Variants in TDRD9 observed in about 807,000 individuals in gnomAD.
TDRD9 encodes ATP-dependent RNA helicase TDRD9.
A neutral mutation model predicts 172.6 loss-of-function variants in TDRD9; 124 were observed. The observed-to-expected ratio is 0.72, with a 90% CI of 0.62 to 0.83. The LOEUF (loss-of-function observed/expected upper bound fraction) is 0.83. TDRD9 is among the 40% of genes least tolerant of loss of function. The probability of loss-of-function intolerance (pLI) is 0.00; values close to 1 mark genes in which losing one functional copy is unlikely to be tolerated. For missense variants in TDRD9, 1,479 were observed against 1,714.1 expected, an observed-to-expected ratio of 0.86 and a Z score of 2.42; for synonymous variants, 619 against 617.1, an observed-to-expected ratio of 1.00 and a Z score of -0.05.
At chr14:104,010,259 C>T (rs1566780833) in intron 20 of TDRD9, among the ~76,000 whole-genome samples, 1 of 151,722 alleles carries the variant, frequency 6.6e-6, no homozygotes, top group Non-Finnish European at 1.5e-5. Flanking sequence ...TTTTTTTATT[C>T]TTTTATTTTT....
intron 20 of TDRD9, among the ~76,000 whole-genome samples, chr14:104,011,836 C>G (rs1426913096): frequency 6.6e-6 from 1 of 151,870 alleles, no homozygotes; most frequent in East Asian, 1.9e-4. Flanking sequence ...TAGAAGGACT[C>G]ACAGAAGTAG....
Position 104,042,112 on chromosome 14 carries a change from G to A in TDRD9, c.3899G>A (p.Gly1300Glu). 6.2e-7 allele frequency: 1 copy of A among 1,613,724 alleles called. No homozygotes were observed. The highest frequency in any genetic ancestry group is 8.5e-7 in the Non-Finnish European group (1 of 1,179,680). Residue 1300 changes from glycine to glutamate, a missense_variant, in exon 34 of 36, where the codon GGA (glycine) becomes GAA (glutamate). By Grantham distance (98) the Gly-to-Glu change is moderately conservative. Transcript: ENST00000409874. ...GCTATTAACAAGCTAGTCTGTGATG[G>A]ACCAAATGGATGCAAGTGTCTTGGG... ...RAAINKLVCD[G>E]PNGCKCLGPE...
At chr14:103,947,242 T>G (rs2031609102) in intron 1 of TDRD9, among the ~76,000 whole-genome samples, 1 of 152,170 alleles carries the variant, frequency 6.6e-6, no homozygotes, top group Admixed American at 6.5e-5. Context: ...TGGTCAATAA[T>G]TTTCAGTAAG....
chr14:103,990,894 A>G (rs1174943985), intron 8 of TDRD9, among the ~76,000 whole-genome samples: 2 of 152,240 alleles, frequency 1.3e-5, no homozygotes, highest in Admixed American at 6.5e-5. Flanking sequence ...CAATAACTAA[A>G]TTTCAAGGAA....
At chr14:103,971,057 C>T (rs894535709) in intron 6 of TDRD9, among the ~76,000 whole-genome samples, 2 of 151,752 alleles carry the variant, frequency 1.3e-5, no homozygotes, top group Non-Finnish European at 2.9e-5. Context: ...GATCTCGGCT[C>T]ACTGCAAGCT....
chr14:103,992,092 G>A lies in TDRD9; in HGVS notation c.1180+868G>A, dbSNP rs118161615. On this transcript the variant is annotated intron_variant, in intron 9 of 35. Transcript: ENST00000409874. Reference sequence around the variant, plus strand: ...TAAAACACACTGTTATTATAACACCGTGAGAATCATCAGGGTAATCCTTGA... The same window carrying A: ...TAAAACACACTGTTATTATAACACCATGAGAATCATCAGGGTAATCCTTGA... Among the ~76,000 whole-genome samples, 32 of 152,252 alleles carry A rather than the reference G, an allele frequency of 2.1e-4. No homozygotes were observed. In the East Asian group the frequency reaches 5.2e-3, roughly 25 times the overall value.
chr14:104,037,419 C>T lies in TDRD9; in HGVS notation c.3716+2363C>T, dbSNP rs374441347. On this transcript the variant is annotated intron_variant, in intron 32 of 35. Coordinates refer to ENST00000409874, the MANE Select transcript of TDRD9 (RefSeq NM_153046.3). ...CCTTGTTAAACGCGAAGCTTGCAGT[C>T]TCTGGGTAAAGTCTGTTCTCCCTCC... 7.2e-5 allele frequency among the ~76,000 whole-genome samples: 11 copies of T among 152,330 alleles called. No individual in the cohort carries two copies. The East Asian group carries it at 1.3e-3, about 19-fold the overall frequency.
At chr14:104,029,570 T>C (rs1178325478) in intron 28 of TDRD9, among the ~76,000 whole-genome samples, 1 of 152,180 alleles carries the variant, frequency 6.6e-6, no homozygotes. Context: ...TAAAAGCTTT[T>C]TGGTGGAGTC....
intron 24 of TDRD9, among the ~76,000 whole-genome samples, chr14:104,024,201 C>T (rs1355094961): frequency 1.3e-5 from 2 of 152,126 alleles, no homozygotes; most frequent in Admixed American, 6.5e-5. Flanking sequence ...CATTTGAAAA[C>T]ACAAGTTAGG....
chr14:104,024,434 C>T, intron 24 of TDRD9, 135 bp from the exon 25 acceptor site: 1 of 534,182 alleles, frequency 1.9e-6, no homozygotes, highest in Non-Finnish European at 3.2e-6. Flanking sequence ...TTTGTCATCT[C>T]TGGCTTAGGT....
chr14:103,929,490 C>T (rs925092920), intron 1 of TDRD9, among the ~76,000 whole-genome samples: 2 of 152,136 alleles, frequency 1.3e-5, no homozygotes, highest in African/African-American at 4.8e-5. Flanking sequence ...TCTCCATTCA[C>T]CTACTGAAGG....
In TDRD9 at chr14:103,973,508, C is replaced by T. The variant is rs183845183; in HGVS notation, c.847-1881C>T. ...TCAGCTCAGGCCCACTCCAGACAGG[C>T]AGTTGTCTTGGGTGTCTGCTGACTT... On this transcript the variant is annotated intron_variant, in intron 6 of 35. Transcript: ENST00000409874. Among the ~76,000 whole-genome samples the T allele has an allele frequency of 1.6e-4, 25 of 152,314 alleles. 1 individual carries two copies. Among genetic ancestry groups the T allele is most frequent in the Admixed American group, 9.2e-4 (14 of 15,292 alleles).
intron 28 of TDRD9, among the ~76,000 whole-genome samples, chr14:104,027,154 G>T (rs947352787): frequency 6.6e-6 from 1 of 152,000 alleles, no homozygotes; most frequent in Admixed American, 6.6e-5. Flanking sequence ...GTTTTTGTTG[G>T]TGAGTATTGT....
intron 1 of TDRD9, among the ~76,000 whole-genome samples, chr14:103,953,253 A>G (rs1301270942): frequency 1.3e-5 from 2 of 151,372 alleles, no homozygotes; most frequent in Admixed American, 6.6e-5. Flanking sequence ...TCTGCTCCCT[A>G]CCCTCCATTT....
chr14:103,972,778 C>T (rs1377324693), intron 6 of TDRD9, among the ~76,000 whole-genome samples: 1 of 152,188 alleles, frequency 6.6e-6, no homozygotes, highest in African/African-American at 2.4e-5. Flanking sequence ...AAGCTTCTGC[C>T]TTAGGATGTT....
intron 14 of TDRD9, 104 bp from the exon 15 acceptor site, chr14:104,005,170 C>A: frequency 1.7e-6 from 2 of 1,168,256 alleles, no homozygotes; most frequent in Admixed American, 2.2e-5. Context: ...TTCTTCTCTC[C>A]TCTCCTTCTC....
intron 6 of TDRD9, 58 bp from the exon 7 acceptor site, chr14:103,975,331 G>T (rs570080287): frequency 4.6e-6 from 7 of 1,530,822 alleles, no homozygotes. Context: ...AGTTTTAGAA[G>T]TATTTAATTT....
chr14:103,968,749 T>C (rs112638194), intron 5 of TDRD9, among the ~76,000 whole-genome samples: 1,732 of 106,224 alleles, frequency 0.016, 46 homozygotes, highest in African/African-American at 0.058. Flanking sequence ...TGAGCTGAGA[T>C]TGCGCCACTG....
chr14:103,952,479 G>A (rs2031980923), intron 1 of TDRD9, among the ~76,000 whole-genome samples: 1 of 149,708 alleles, frequency 6.7e-6, no homozygotes, highest in Non-Finnish European at 1.5e-5. Flanking sequence ...TTGACCTCGT[G>A]ATCCGCCCAC....
Sources: gnomAD v4.1 joint callset for allele counts (sites outside exome capture counted in the v4.1 genomes callset) on GRCh38, gnomAD v4.1.1 for gene constraint, MANE v1.5 for transcripts, NCBI Gene and HGNC (gene_info 2026-07-23, HGNC 2026-07-21) for gene names.